Variants in FGF13 observed in about 807,000 individuals in gnomAD.
FGF13 encodes the protein fibroblast growth factor homologous factor 2.
In FGF13, 2 loss-of-function variants were observed where a neutral mutation model predicts 19.5. The ratio of observed to expected loss-of-function variants is 0.10; its 90% CI spans 0.04 to 0.32. The LOEUF is 0.32. Ranked by LOEUF, FGF13 falls within the 10% of genes least tolerant of loss-of-function variation. The probability of loss-of-function intolerance (pLI) is 1.00; values close to 1 mark genes in which losing one functional copy is unlikely to be tolerated. For missense variants in FGF13, 113 were observed against 192.7 expected (o/e 0.59, Z 2.45); for synonymous variants, 72 against 76.9 (o/e 0.94, Z 0.33).
intron 3 of FGF13, among the ~76,000 whole-genome samples, chrX:138,793,379 G>A (rs980372090): frequency 3.6e-5 from 4 of 111,183 alleles, no homozygotes; most frequent in Non-Finnish European, 7.5e-5. Context: ...TTTACCTCTA[G>A]GGCTGAGTAC....
intron 1 of FGF13, among the ~76,000 whole-genome samples, chrX:138,730,067 T>G (rs2090216766): frequency 9.1e-6 from 1 of 110,407 alleles, no homozygotes; most frequent in East Asian, 2.8e-4. Flanking sequence ...TGAAGGAAAA[T>G]TATATCACAT....
At chrX:139,104,260 C>G (rs999904131) in intron 1 of FGF13, among the ~76,000 whole-genome samples, 5 of 110,444 alleles carry the variant, frequency 4.5e-5, no homozygotes, top group African/African-American at 1.7e-4. Flanking sequence ...GTCTGTAGGG[C>G]CTGGTATTTG....
intron 1 of FGF13, among the ~76,000 whole-genome samples, chrX:139,070,451 TG>T (rs936477594): frequency 1.8e-5 from 2 of 112,308 alleles, no homozygotes; most frequent in African/African-American, 6.5e-5. Context: ...CCAGTTAGAA[TG>T]GCGATCATTA....
chrX:138,974,807 G>C (rs753917700), intron 1 of FGF13, among the ~76,000 whole-genome samples: 2 of 112,665 alleles, frequency 1.8e-5, no homozygotes, highest in African/African-American at 6.4e-5. Flanking sequence ...CTATGGATTG[G>C]CATCAGCATG....
rs1038045941 is a variant in FGF13, at chrX:138,626,829, G to A, written c.*6021C>T. The A allele has an allele frequency of 3.6e-5, 4 of 111,797 alleles. No individual in the cohort carries two copies. The highest frequency in any genetic ancestry group is 6.5e-5 in the African/African-American group (2 of 30,767). 9.2% of individuals were successfully genotyped at this position (111,797 alleles called of 1,213,427 possible). A position where few individuals can be genotyped will look rare whatever the true frequency, so the allele number is the denominator to read the frequency against. On this transcript the variant is annotated 3_prime_UTR_variant, in exon 5 of 5. Coordinates refer to ENST00000315930, the MANE Select transcript of FGF13 (RefSeq NM_004114.5). ...ATATATTGGTGGTGTATTTTGAAAC[G>A]TTCTTAAGACCCATGAAAGTCAAAT... is the stretch of plus-strand genomic sequence containing the variant.
intron 1 of FGF13, among the ~76,000 whole-genome samples, chrX:139,138,926 CT>C (rs758384021): frequency 0.054 from 4,641 of 85,425 alleles, 130 homozygotes; most frequent in East Asian, 0.1. Flanking sequence ...TGTTATTTAT[CT>C]TTTTTTTTTT....
intron 3 of FGF13, among the ~76,000 whole-genome samples, chrX:138,846,904 G>T (rs2091187165): frequency 9.0e-6 from 1 of 111,370 alleles, no homozygotes; most frequent in Non-Finnish European, 1.9e-5. Flanking sequence ...AAAGGTAAGG[G>T]TCATTTCATC....
intron 1 of FGF13, among the ~76,000 whole-genome samples, chrX:139,124,710 C>T (rs1372447912): frequency 1.8e-5 from 2 of 112,151 alleles, no homozygotes; most frequent in African/African-American, 3.2e-5. Flanking sequence ...ATAAGTTCCC[C>T]GTAAGGTTTT....
At chrX:138,638,836 C>A (rs1602641428) in intron 3 of FGF13, among the ~76,000 whole-genome samples, 1 of 111,467 alleles carries the variant, frequency 9.0e-6, no homozygotes, top group African/African-American at 3.3e-5. Flanking sequence ...TATAACGTGG[C>A]ACCTATAACA....
chrX:138,616,924 G>C lies in FGF13; in HGVS notation c.*15926C>G, dbSNP rs2088973405. The C allele has an allele frequency of 9.0e-6, 1 of 111,430 alleles. No homozygotes were observed. The highest frequency in any genetic ancestry group is 3.3e-5 in the African/African-American group (1 of 30,364). The allele number at this position is 111,430 out of a possible 1,213,427, so 9.2% of individuals were successfully genotyped here. On this transcript the variant is annotated 3_prime_UTR_variant, in exon 5 of 5. Transcript: ENST00000315930. Reference sequence around the variant, plus strand: ...CACAGCTGAAGCTGAAGCAGCTGGGGACGCAGGGTACCATGTTTCAAGGCT... The same window carrying C: ...CACAGCTGAAGCTGAAGCAGCTGGGCACGCAGGGTACCATGTTTCAAGGCT...
intron 4 of FGF13, among the ~76,000 whole-genome samples, chrX:138,633,747 A>G (rs1479670447): frequency 9.0e-6 from 1 of 111,686 alleles, no homozygotes; most frequent in Admixed American, 9.5e-5. Context: ...GAATCTTATA[A>G]GTACTCTTAT....
At chrX:138,642,781 C>A (rs1265521282) in intron 3 of FGF13, among the ~76,000 whole-genome samples, 1 of 111,824 alleles carries the variant, frequency 8.9e-6, no homozygotes, top group Non-Finnish European at 1.9e-5. Context: ...TTTCTGTCTG[C>A]AATAGGCTGA....
chrX:139,089,925 A>G (rs1385266352), intron 1 of FGF13, among the ~76,000 whole-genome samples: 1 of 111,106 alleles, frequency 9.0e-6, no homozygotes, highest in African/African-American at 3.3e-5. Flanking sequence ...TGCGGCCTTG[A>G]ACTCTTCTCC....
chrX:139,158,056 C>G (rs767599455), intron 1 of FGF13, among the ~76,000 whole-genome samples: 2 of 111,746 alleles, frequency 1.8e-5, no homozygotes, highest in African/African-American at 3.3e-5. Flanking sequence ...ATGTGCCATG[C>G]GGAATGGTGC....
At chrX:138,766,450 A>G (rs1357576111) in intron 3 of FGF13, among the ~76,000 whole-genome samples, 1 of 112,183 alleles carries the variant, frequency 8.9e-6, no homozygotes, top group African/African-American at 3.2e-5. Context: ...ATGTTTTCAG[A>G]GTAGCAGTTA....
chrX:138,778,776 A>G (rs1019663675), intron 3 of FGF13, among the ~76,000 whole-genome samples: 1 of 112,532 alleles, frequency 8.9e-6, no homozygotes, highest in Non-Finnish European at 1.9e-5. Flanking sequence ...GATTAGGTAA[A>G]CAAAGCAGCC....
chrX:139,146,373 T>G (rs1461262987), intron 1 of FGF13, among the ~76,000 whole-genome samples: 4 of 112,346 alleles, frequency 3.6e-5, no homozygotes, highest in Admixed American at 1.9e-4. Flanking sequence ...GAAAAAATGC[T>G]CATCATCACC....
intron 1 of FGF13, among the ~76,000 whole-genome samples, chrX:139,174,917 T>C (rs1233365532): frequency 1.8e-5 from 2 of 112,212 alleles, no homozygotes; most frequent in Non-Finnish European, 3.8e-5. Flanking sequence ...AAGTAGTTTT[T>C]TCTAATTCTG....
Position 138,617,859 on chromosome X carries a change from C to T in FGF13, c.*14991G>A, listed in dbSNP as rs935593146. The T allele has an allele frequency of 3.6e-5, 4 of 110,739 alleles. No homozygotes were observed. Among genetic ancestry groups the T allele is most frequent in the Non-Finnish European group, 5.7e-5 (3 of 52,993 alleles). 9.1% of individuals were successfully genotyped at this position (110,739 alleles called of 1,213,427 possible). Reference sequence around the variant, plus strand: ...TTGGGAGGCTGAAGTGGGAGGATCACTTGACCCAAGAAATTCGAGGCTGCA... The same window carrying T: ...TTGGGAGGCTGAAGTGGGAGGATCATTTGACCCAAGAAATTCGAGGCTGCA... On this transcript the variant is annotated 3_prime_UTR_variant, in exon 5 of 5. Transcript: ENST00000315930.
Sources: allele counts gnomAD v4.1 joint callset (sites outside exome capture counted in the v4.1 genomes callset), GRCh38; gene constraint gnomAD v4.1.1; transcripts MANE v1.5; gene names NCBI Gene and HGNC (gene_info 2026-07-23, HGNC 2026-07-21).